SLC26A3: variants seen among roughly 807,000 people sequenced by gnomAD.
SLC26A3 encodes solute carrier family 26 member 3.
SLC26A3 carries 64 observed loss-of-function variants against 85.6 expected under a neutral mutation model. That is an observed-to-expected ratio of 0.75 (90% CI 0.61 to 0.92). The LOEUF (loss-of-function observed/expected upper bound fraction) is 0.92. SLC26A3 is among the 40% of genes least tolerant of loss of function. The pLI is 0.00. For synonymous variants in SLC26A3, 349 were observed against 336.0 expected (o/e 1.04, Z -0.42); for missense variants, 922 against 927.3 (o/e 0.99, Z 0.07).
Position 107,790,990 on chromosome 7 carries a change from T to A in SLC26A3, c.570+58A>T, listed in dbSNP as rs925584980. 2.7e-5 allele frequency: 42 copies of A among 1,554,982 alleles called. No homozygotes were observed. In the Middle Eastern group the frequency reaches 1.1e-3, roughly 41 times the overall value. On this transcript the variant is annotated intron_variant, in intron 5 of 20. Transcript: ENST00000340010. The stretch of plus-strand genomic sequence containing the variant: ...GCAGGGGGGAGGAAAAATAGAGAGA[T>A]GTGTAACAGTCAAGATGAACAGATT...
chr7:107,782,651 G>T (rs1794230804), intron 11 of SLC26A3, 146 bp downstream of exon 11: 1 of 793,350 alleles, frequency 1.3e-6, no homozygotes, highest in East Asian at 2.6e-5. Context: ...AATATTTTTG[G>T]CTCATACAGA....
intron 18 of SLC26A3, among the ~76,000 whole-genome samples, chr7:107,769,448 C>T (rs1793968174): frequency 6.6e-6 from 1 of 151,870 alleles, no homozygotes; most frequent in African/African-American, 2.4e-5. Context: ...GAGTTGGAGG[C>T]CATTATCCTT....
intron 18 of SLC26A3, among the ~76,000 whole-genome samples, chr7:107,770,140 C>CTT: frequency 1.6e-4 from 9 of 57,594 alleles, no homozygotes; most frequent in African/African-American, 5.0e-4. Context: ...TTCTTTCTCT[C>CTT]TTTCTTTTCT....
chr7:107,794,313 A>G, intron 2 of SLC26A3, 66 bp downstream of exon 2: 4 of 1,583,100 alleles, frequency 2.5e-6, no homozygotes, highest in Non-Finnish European at 3.5e-6. Context: ...TTGGAAAGTT[A>G]GAAAATTTAG....
At chr7:107,784,806 C>G (rs1794267005) in intron 8 of SLC26A3, among the ~76,000 whole-genome samples, 1 of 152,176 alleles carries the variant, frequency 6.6e-6, no homozygotes, top group Admixed American at 6.5e-5. Context: ...CTGTAAAACA[C>G]AAAGTGCCTG....
At chr7:107,799,695 A>AATTTCCTTAATAAAGATGG (rs1794570678) in intron 1 of SLC26A3, among the ~76,000 whole-genome samples, 1 of 152,174 alleles carries the variant, frequency 6.6e-6, no homozygotes, top group African/African-American at 2.4e-5. Context: ...CCAAGGCTTC[A>AATTTCCTTAATAAAGATGG]ATTTCCTTAA....
At chr7:107,783,693 A>C (rs904078028) in intron 8 of SLC26A3, among the ~76,000 whole-genome samples, 1 of 152,248 alleles carries the variant, frequency 6.6e-6, no homozygotes, top group Non-Finnish European at 1.5e-5. Context: ...ACTGGGCTGC[A>C]AAGCATCACT....
intron 15 of SLC26A3, 163 bp downstream of exon 15, chr7:107,776,289 A>T (rs1794113596): frequency 1.5e-6 from 1 of 677,286 alleles, no homozygotes; most frequent in African/African-American, 1.8e-5. Flanking sequence ...ACTCCCCATA[A>T]GGTAGTTTCA....
At chr7:107,766,077 T>G (rs1188169272) in intron 20 of SLC26A3, among the ~76,000 whole-genome samples, 199 bp from the exon 21 acceptor site, 1 of 152,164 alleles carries the variant, frequency 6.6e-6, no homozygotes, top group Non-Finnish European at 1.5e-5. Flanking sequence ...CTAACTTAAC[T>G]TAAAGTAATG....
chr7:107,783,095 T>G lies in SLC26A3; in HGVS notation c.1120-2A>C. The G allele has an allele frequency of 6.2e-7, 1 of 1,613,844 alleles. No homozygotes were observed. The highest frequency in any genetic ancestry group is 8.5e-7 in the Non-Finnish European group (1 of 1,179,716). On this transcript the variant is annotated splice_acceptor_variant, in intron 9 of 20. Coordinates refer to ENST00000340010, the MANE Select transcript of SLC26A3 (RefSeq NM_000111.3). LOFTEE classifies it high-confidence loss of function. ...ACCCAGTCCCAAGGCTATTAACTCC[T>G]GACAGGAAGACAAGAATGAACCTTT...
intron 8 of SLC26A3, among the ~76,000 whole-genome samples, chr7:107,784,305 T>G (rs1026204443): frequency 6.6e-6 from 1 of 152,236 alleles, no homozygotes; most frequent in Non-Finnish European, 1.5e-5. Context: ...ATCTTATTAT[T>G]CTTTTGTTCT....
intron 7 of SLC26A3, 76 bp downstream of exon 7, chr7:107,787,281 G>T: frequency 6.6e-7 from 1 of 1,520,138 alleles, no homozygotes; most frequent in Non-Finnish European, 9.1e-7. Flanking sequence ...AAAACTTCCT[G>T]AGCTACAAAT....
rs1794465366 is a variant in SLC26A3 at position 107,794,627 on chromosome 7, T to C, written c.-88-30A>G. 2.8e-6 allele frequency: 3 copies of C among 1,075,378 alleles called. No homozygotes were observed. In the Admixed American group the frequency reaches 5.2e-5, roughly 19 times the overall value. The allele number at this position is 1,075,378 out of a possible 1,614,324, so 66.6% of individuals were successfully genotyped here. On this transcript the variant is annotated intron_variant, in intron 1 of 20. Transcript: ENST00000340010. ...AACCAAACAGAGCTTGCTTCTTAAATAACTCAGAGATAATGTGATGCAATT... is the reference window on the plus strand; with the variant it reads ...AACCAAACAGAGCTTGCTTCTTAAACAACTCAGAGATAATGTGATGCAATT...
Position 107,797,740 on chromosome 7 carries a change from C to CTTTTTTTTTTT in SLC26A3, c.-88-3144_-88-3143insAAAAAAAAAAA, listed in dbSNP as rs375903590. On this transcript the variant is annotated intron_variant, in intron 1 of 20. Transcript: ENST00000340010. ...CATTTCTGAGATTCTTGAGCAGGAC[C>CTTTTTTTTTTT]TTTTTTTTTTGAGACGGAGTCTTGC... 5.9e-4 allele frequency among the ~76,000 whole-genome samples: 75 copies of CTTTTTTTTTTT among 127,432 alleles called. 5 individuals carry two copies. The highest frequency in any genetic ancestry group is 8.3e-3 in the Middle Eastern group (2 of 242). The allele number at this position is 127,432 out of a possible 152,430, so 83.6% of individuals were successfully genotyped here.
chr7:107,773,556 T>A (rs1168092272), intron 17 of SLC26A3, among the ~76,000 whole-genome samples: 4 of 152,192 alleles, frequency 2.6e-5, no homozygotes, highest in Non-Finnish European at 5.9e-5. Context: ...CAAATACAGT[T>A]TTTTTTGTTG....
chr7:107,774,213 A>G (rs976888957), intron 16 of SLC26A3, 60 bp from the exon 17 acceptor site: 1 of 1,306,478 alleles, frequency 7.7e-7, no homozygotes, highest in Admixed American at 1.7e-5. Context: ...TGTATGTCAG[A>G]GATAGCCAGT....
chr7:107,802,119 CT>C (rs1188640616), intron 1 of SLC26A3, among the ~76,000 whole-genome samples: 76 of 149,412 alleles, frequency 5.1e-4, no homozygotes, highest in East Asian at 2.7e-3. Context: ...AAGGAATGAT[CT>C]TTATGCAGTC....
intron 16 of SLC26A3, among the ~76,000 whole-genome samples, chr7:107,774,362 G>C (rs1053362405): frequency 1.3e-5 from 2 of 151,982 alleles, no homozygotes; most frequent in African/African-American, 4.8e-5. Context: ...GACCAGCCAG[G>C]GCAACATGGT....
At chr7:107,768,091 C>A (rs1246951117) in intron 18 of SLC26A3, among the ~76,000 whole-genome samples, 183 bp from the exon 19 acceptor site, 4 of 152,060 alleles carry the variant, frequency 2.6e-5, no homozygotes, top group African/African-American at 4.8e-5. Flanking sequence ...TTGGAACTAA[C>A]AAATACCTTT....
Sources: allele counts gnomAD v4.1 joint callset (sites outside exome capture counted in the v4.1 genomes callset), GRCh38; gene constraint gnomAD v4.1.1; transcripts MANE v1.5; gene names NCBI Gene and HGNC (gene_info 2026-07-23, HGNC 2026-07-21).